The following UTY variants were observed in gnomAD, a reference collection of about 807,000 sequenced individuals.
UTY encodes histone demethylase UTY.
In UTY, 12 loss-of-function variants were observed where a neutral mutation model predicts 32.5. That is an observed-to-expected ratio of 0.37 (90% CI 0.24 to 0.60). The LOEUF (loss-of-function observed/expected upper bound fraction) is 0.60. Ranked by LOEUF, UTY falls within the 20% of genes least tolerant of loss-of-function variation. The pLI is 0.69. For missense variants in UTY, 303 were observed against 299.2 expected, an observed-to-expected ratio of 1.01 and a Z score of -0.09; for synonymous variants, 131 against 103.4, an observed-to-expected ratio of 1.27 and a Z score of -1.62.
Position 13,358,498 on chromosome Y carries a change from G to A in UTY, c.1442C>T (p.Pro481Leu). 1 of 378,313 alleles carries A rather than the reference G, an allele frequency of 2.6e-6. No homozygotes were observed. Among genetic ancestry groups the A allele is most frequent in the South Asian group, 3.2e-5 (1 of 31,017 alleles). The allele number at this position is 378,313 out of a possible 400,897, so 94.4% of individuals were successfully genotyped here. A position where few individuals can be genotyped will look rare whatever the true frequency, so the allele number is the denominator to read the frequency against. ...TSSQVEGLSSPAKKKRTSSPT... is the reference protein window; with the variant it reads ...TSSQVEGLSSLAKKKRTSSPT... ...ACTAGATGTTCTTTTCTTCTTGGCA[G>A]GACTGGACAGGCCTTCTACTTGGCT... The change falls in exon 14 of 30, where the codon CCT becomes CTT. Residue 481 changes from proline to leucine, a missense_variant. Coordinates refer to ENST00000545955, the MANE Select transcript of UTY (RefSeq NM_001258249.2).
At chrY:13,366,109 G>A (rs2064124886) in intron 10 of UTY, among the ~76,000 whole-genome samples, 158 bp downstream of exon 10, 1 of 33,795 alleles carries the variant, frequency 3.0e-5, no homozygotes, top group Non-Finnish European at 7.4e-5. Flanking sequence ...TGATCCACCC[G>A]CCTCGGCCTC....
chrY:13,308,459 G>A (rs2058823136), intron 21 of UTY, among the ~76,000 whole-genome samples: 1 of 31,338 alleles, frequency 3.2e-5, no homozygotes, highest in Non-Finnish European at 7.7e-5. Context: ...TCCCTACTAA[G>A]AACACAGGAA....
intron 25 of UTY, chrY:13,300,153 A>C (rs776886333): frequency 1.1e-4 from 5 of 44,750 alleles, no homozygotes; most frequent in Admixed American, 2.7e-4. Flanking sequence ...TGAAAAAACT[A>C]CCAGAAGAAG....
Position 13,287,758 on chromosome Y carries a change from G to C in UTY, c.4010+9949C>G, listed in dbSNP as rs922811127. ...AAAGATCCTTAGCTGCAAAAAAAGA[G>C]AAGGCAGCCCCTCCTGCATGAATAG... On this transcript the variant is annotated intron_variant, in intron 27 of 29. Transcript: ENST00000545955. Among the ~76,000 whole-genome samples, 3 of 32,843 alleles carry C rather than the reference G, an allele frequency of 9.1e-5. No individual in the cohort carries two copies. The East Asian group carries it at 2.3e-3, about 26-fold the overall frequency. The allele number at this position is 32,843 out of a possible 37,273, so 88.1% of individuals were successfully genotyped here.
intron 21 of UTY, among the ~76,000 whole-genome samples, chrY:13,312,804 T>C: frequency 6.2e-5 from 2 of 32,494 alleles, no homozygotes; most frequent in Admixed American, 2.8e-4. Context: ...TATCAAAGAA[T>C]TGCAAATCAA....
intron 27 of UTY, among the ~76,000 whole-genome samples, chrY:13,276,512 A>G (rs2056692738): frequency 9.0e-5 from 3 of 33,396 alleles, no homozygotes; most frequent in Non-Finnish European, 2.2e-4. Context: ...GATCGAGACC[A>G]TCCCGGCTAA....
chrY:13,428,183 T>C (rs2073577259), intron 4 of UTY, among the ~76,000 whole-genome samples: 1 of 33,834 alleles, frequency 3.0e-5, no homozygotes, highest in Non-Finnish European at 7.4e-5. Context: ...TTTCCTTCGA[T>C]GTGCAGAAGC....
At chrY:13,445,589 TA>T (rs2075675764) in intron 4 of UTY, among the ~76,000 whole-genome samples, 7 of 28,995 alleles carry the variant, frequency 2.4e-4, no homozygotes, top group Non-Finnish European at 5.0e-4. Flanking sequence ...CAAAGCATGT[TA>T]AAAAAAAAAC....
At chrY:13,374,599 G>A in intron 8 of UTY, among the ~76,000 whole-genome samples, 1 of 32,770 alleles carries the variant, frequency 3.1e-5, no homozygotes, top group Admixed American at 2.8e-4. Context: ...ATGACATGGT[G>A]CCCCCACTCC....
chrY:13,352,051 C>T, intron 17 of UTY, among the ~76,000 whole-genome samples: 3 of 33,349 alleles, frequency 9.0e-5, no homozygotes, highest in African/African-American at 3.5e-4. Flanking sequence ...ATGTTACCAT[C>T]GTCATTGTTT....
chrY:13,369,686 A>G, intron 8 of UTY, among the ~76,000 whole-genome samples: 3 of 33,438 alleles, frequency 9.0e-5, no homozygotes, highest in African/African-American at 3.5e-4. Flanking sequence ...CAAAAAAACT[A>G]ACATTAAATA....
At chrY:13,307,730 A>G (rs2058777689) in intron 21 of UTY, among the ~76,000 whole-genome samples, 1 of 33,468 alleles carries the variant, frequency 3.0e-5, no homozygotes. Flanking sequence ...GTTCAATAAT[A>G]AAAAGAAAAA....
At chrY:13,307,147 C>T in intron 21 of UTY, among the ~76,000 whole-genome samples, 2 of 32,855 alleles carry the variant, frequency 6.1e-5, no homozygotes, top group Non-Finnish European at 1.5e-4. Flanking sequence ...GTTACCCTGG[C>T]TTTCTCTGTG....
At chrY:13,252,997 A>C (rs1033998689) in intron 28 of UTY, among the ~76,000 whole-genome samples, 6 of 32,691 alleles carry the variant, frequency 1.8e-4, no homozygotes, top group African/African-American at 7.2e-4. Context: ...CCCTCTATAT[A>C]AGCTGGGTTA....
chrY:13,305,501 G>A lies in UTY; in HGVS notation c.3463C>T (p.Arg1155Cys), dbSNP rs750992458. The A allele has an allele frequency of 2.6e-6, 1 of 390,669 alleles. No individual in the cohort carries two copies. Among genetic ancestry groups the A allele is most frequent in the Non-Finnish European group, 3.6e-6 (1 of 279,908 alleles). The stretch of plus-strand genomic sequence containing the variant: ...AGAAGATTTCCTGCTGACACCACAC[G>A]CGCAAAAGCAGGAAGTTTAGTCAGT... ...HELTKLPAFA[R>C]VVSAGNLLTH... The change falls in exon 24 of 30, where the codon CGT (arginine) becomes TGT (cysteine). Residue 1155 changes from arginine to cysteine, a missense_variant. By Grantham distance (180) the Arg-to-Cys change is radical. Coordinates refer to ENST00000545955, the MANE Select transcript of UTY (RefSeq NM_001258249.2).
At chrY:13,446,563 T>C in intron 4 of UTY, among the ~76,000 whole-genome samples, 1 of 9,044 alleles carries the variant, frequency 1.1e-4, no homozygotes, top group South Asian at 7.9e-3. Context: ...GATAGATAGA[T>C]AGATAGATAG....
intron 13 of UTY, 91 bp downstream of exon 13, chrY:13,358,997 C>A: frequency 3.1e-6 from 1 of 324,242 alleles, no homozygotes; most frequent in Non-Finnish European, 4.2e-6. Flanking sequence ...AAAGTCAATC[C>A]TTTGTTTAGT....
intron 27 of UTY, 123 bp downstream of exon 27, chrY:13,297,584 C>A: frequency 2.8e-6 from 1 of 357,445 alleles, no homozygotes; most frequent in Non-Finnish European, 3.8e-6. Flanking sequence ...CATCTTATTA[C>A]ATTTTGCCAA....
At chrY:13,384,607 G>C (rs2066498191) in intron 8 of UTY, among the ~76,000 whole-genome samples, 1 of 32,920 alleles carries the variant, frequency 3.0e-5, no homozygotes, top group African/African-American at 1.2e-4. Context: ...AGGTTGCAGG[G>C]AGCTCAGATC....
Sources: allele counts gnomAD v4.1 joint callset (sites outside exome capture counted in the v4.1 genomes callset), GRCh38; gene constraint gnomAD v4.1.1; transcripts MANE v1.5; gene names NCBI Gene and HGNC (gene_info 2026-07-23, HGNC 2026-07-21).